Variants in TLL1 observed in about 807,000 individuals in gnomAD.
TLL1 encodes tolloid-like protein 1.
A neutral mutation model predicts 128.2 loss-of-function variants in TLL1; 49 were observed. The ratio of observed to expected loss-of-function variants is 0.38; its 90% CI spans 0.30 to 0.48. TLL1 has a LOEUF of 0.48. Ranked by LOEUF, TLL1 falls within the 20% of genes least tolerant of loss-of-function variation. TLL1 has a pLI of 0.96. For missense variants in TLL1, 1,123 were observed against 1,242.0 expected (o/e 0.90, Z 1.44); for synonymous variants, 454 against 418.8 (o/e 1.08, Z -1.03).
At chr4:165,954,618 C>A (rs1734689015) in intron 1 of TLL1, among the ~76,000 whole-genome samples, 1 of 151,956 alleles carries the variant, frequency 6.6e-6, no homozygotes, top group South Asian at 2.1e-4. Flanking sequence ...TGTCAGGACA[C>A]CCTGGAAACC....
chr4:166,000,553 C>G (rs1451286254), intron 5 of TLL1, among the ~76,000 whole-genome samples: 1 of 152,120 alleles, frequency 6.6e-6, no homozygotes, highest in Non-Finnish European at 1.5e-5. Flanking sequence ...TTTACTGTCT[C>G]CCACATTTTG....
chr4:166,010,784 A>G (rs1737656699), intron 7 of TLL1, among the ~76,000 whole-genome samples: 1 of 151,012 alleles, frequency 6.6e-6, no homozygotes, highest in African/African-American at 2.4e-5. Flanking sequence ...TTTGGGTCTT[A>G]TGTTTATTTA....
At position 165,956,737 on chromosome 4, in the gene TLL1, A is replaced by G. The variant is rs1349408020; in HGVS notation, c.170-32644A>G. ...TACATCCTCAGCTTACAAAGATATCAGGGTTAAGAGATTAAAGTAAAGATA... is the reference window on the plus strand; with the variant it reads ...TACATCCTCAGCTTACAAAGATATCGGGGTTAAGAGATTAAAGTAAAGATA... On this transcript the variant is annotated intron_variant, in intron 1 of 20. Transcript: ENST00000061240. 2.0e-5 allele frequency among the ~76,000 whole-genome samples: 3 copies of G among 152,234 alleles called. No individual in the cohort carries two copies. In the East Asian group the frequency reaches 5.8e-4, roughly 29 times the overall value.
At chr4:166,016,946 A>G (rs1382294030) in intron 8 of TLL1, among the ~76,000 whole-genome samples, 2 of 151,418 alleles carry the variant, frequency 1.3e-5, no homozygotes, top group East Asian at 1.9e-4. Context: ...TTAAACTTTT[A>G]TCTTTGACTC....
intron 1 of TLL1, among the ~76,000 whole-genome samples, chr4:165,941,702 G>T (rs1291290675): frequency 2.6e-5 from 4 of 152,060 alleles, no homozygotes; most frequent in Non-Finnish European, 2.9e-5. Flanking sequence ...GGAAATAATT[G>T]TCTAAACAAA....
At chr4:165,964,267 T>A (rs1273063110) in intron 1 of TLL1, among the ~76,000 whole-genome samples, 1 of 152,212 alleles carries the variant, frequency 6.6e-6, no homozygotes, top group Non-Finnish European at 1.5e-5. Flanking sequence ...AATAACTGAA[T>A]GATTTAATAG....
At chr4:166,012,901 C>G (rs1277808079) in intron 7 of TLL1, among the ~76,000 whole-genome samples, 1 of 151,676 alleles carries the variant, frequency 6.6e-6, no homozygotes, top group Non-Finnish European at 1.5e-5. Context: ...TTTCCCTTAC[C>G]TTGGAGCTAG....
At chr4:166,048,466 C>T (rs140613296) in intron 12 of TLL1, among the ~76,000 whole-genome samples, 157 of 152,204 alleles carry the variant, frequency 1.0e-3, no homozygotes, top group African/African-American at 3.6e-3. Context: ...GTTTTCTCTC[C>T]TCTGGTAGTT....
rs774503754 is a variant in TLL1 at position 166,003,527 on chromosome 4, C to A, written c.769C>A (p.Arg257=). 4 of 1,613,834 alleles carry A rather than the reference C, an allele frequency of 2.5e-6. No homozygotes were observed. In the Admixed American group the frequency reaches 6.7e-5, roughly 27 times the overall value. Residue 257 remains arginine, a synonymous_variant, in exon 6 of 21, where the codon CGA becomes AGA. Transcript: ENST00000061240. ...GFWHEHTRPD[R]DNHVTIIREN... ...TTGGCATGAACACACAAGACCAGAT[C>A]GAGATAACCACGTAACTATCATAAG...
intron 1 of TLL1, among the ~76,000 whole-genome samples, chr4:165,944,116 T>C (rs1363990686): frequency 2.0e-5 from 3 of 152,174 alleles, no homozygotes; most frequent in African/African-American, 7.2e-5. Flanking sequence ...TTTTAAGCTA[T>C]GTCCGATGAA....
intron 12 of TLL1, among the ~76,000 whole-genome samples, chr4:166,048,094 G>C (rs1023431024): frequency 6.6e-6 from 1 of 151,998 alleles, no homozygotes; most frequent in African/African-American, 2.4e-5. Context: ...AAATTAGCTG[G>C]GCGTGGTGGT....
chr4:166,054,223 T>C (rs903798211), intron 12 of TLL1, among the ~76,000 whole-genome samples: 1 of 152,094 alleles, frequency 6.6e-6, no homozygotes, highest in Non-Finnish European at 1.5e-5. Context: ...TACTATATAG[T>C]AGTCTTTCTC....
intron 11 of TLL1, among the ~76,000 whole-genome samples, chr4:166,042,399 T>G (rs1252312361): frequency 6.6e-6 from 1 of 152,200 alleles, no homozygotes; most frequent in Non-Finnish European, 1.5e-5. Flanking sequence ...GCTCAAGAAT[T>G]CTTAAAGTTT....
At chr4:166,079,543 A>G (rs979740167) in intron 18 of TLL1, among the ~76,000 whole-genome samples, 8 of 151,616 alleles carry the variant, frequency 5.3e-5, no homozygotes, top group Non-Finnish European at 8.8e-5. Flanking sequence ...TCTTTTTCCT[A>G]TGGCTGCCTT....
chr4:166,059,747 A>AT (rs961263579), intron 14 of TLL1, among the ~76,000 whole-genome samples: 3 of 152,020 alleles, frequency 2.0e-5, no homozygotes, highest in East Asian at 1.9e-4. Context: ...TAGATTTTTA[A>AT]TTTTTTTTAA....
chr4:165,879,417 C>A (rs182120031), intron 1 of TLL1, among the ~76,000 whole-genome samples: 2 of 152,052 alleles, frequency 1.3e-5, no homozygotes, highest in Non-Finnish European at 2.9e-5. Context: ...CTTTGCAAAC[C>A]TTCTTATGGC....
chr4:166,090,809 A>T (rs1176566296), intron 18 of TLL1, among the ~76,000 whole-genome samples: 3 of 152,064 alleles, frequency 2.0e-5, no homozygotes, highest in African/African-American at 7.2e-5. Context: ...TTTTCTGATG[A>T]ATCCTTTGGA....
Position 166,099,384 on chromosome 4 carries a change from G to A in TLL1, c.2764G>A (p.Val922Ile), listed in dbSNP as rs1742178268. 1 of 1,613,456 alleles carries A rather than the reference G, an allele frequency of 6.2e-7. No individual in the cohort carries two copies. The highest frequency in any genetic ancestry group is 1.7e-5 in the Admixed American group (1 of 59,956). The change falls in exon 20 of 21, where the codon GTA (valine) becomes ATA (isoleucine). Residue 922 changes from valine to isoleucine, a missense_variant. Physicochemically the swap from Val to Ile is conservative, Grantham distance 29. Around this residue, in one of 3 missense-constraint regions of TLL1, gnomAD observed 634 missense variants for 672.4 expected, o/e 0.94. Coordinates refer to ENST00000061240, the MANE Select transcript of TLL1 (RefSeq NM_012464.5). ...ACAGGTTGACTGTGAATGGCTATTA[G>A]TATCAGAACGGGGCTCTCGACTTGA... ...PGQVDCEWLLVSERGSRLELS... is the reference protein window; with the variant it reads ...PGQVDCEWLLISERGSRLELS...
At chr4:165,940,884 G>A (rs1003398170) in intron 1 of TLL1, among the ~76,000 whole-genome samples, 2 of 151,930 alleles carry the variant, frequency 1.3e-5, no homozygotes, top group East Asian at 1.9e-4. Context: ...CCATTTTGGG[G>A]GCTATTTCTT....
Sources: gnomAD v4.1 joint callset for allele counts (sites outside exome capture counted in the v4.1 genomes callset) on GRCh38, gnomAD v4.1.1 for gene constraint, gnomAD v4.1.1 regional missense constraint, MANE v1.5 for transcripts, NCBI Gene and HGNC (gene_info 2026-07-23, HGNC 2026-07-21) for gene names.